COL9A3: variants seen among roughly 807,000 people sequenced by gnomAD.
The protein encoded by COL9A3 is collagen type IX alpha 3 chain, also known as collagen alpha-3(IX) chain.
In COL9A3, 82 loss-of-function variants were observed where a neutral mutation model predicts 110.2. The observed-to-expected ratio is 0.74, with a 90% CI of 0.62 to 0.89. COL9A3 has a LOEUF of 0.89. COL9A3 is among the 40% of genes least tolerant of loss of function. COL9A3 has a pLI of 0.00. For synonymous variants in COL9A3, 494 were observed against 403.8 expected (o/e 1.22, Z -2.68); for missense variants, 1,066 against 981.3 (o/e 1.09, Z -1.15).
Position 62,840,564 on chromosome 20 carries a change from C to T in COL9A3, c.1887C>T (p.Thr629=). Residue 629 remains threonine, a synonymous_variant, in exon 32 of 32, where the codon ACC becomes ACT. Coordinates refer to ENST00000649368, the MANE Select transcript of COL9A3 (RefSeq NM_001853.4). ...AAGGACCCCAAGGCGTGCCCGGCAC[C>T]AGCAAGGACGGCCAGGACGGTGCTC... The part of the protein sequence containing the change: ...GPQGPQGVPG[T]SKDGQDGAPG... The T allele has an allele frequency of 6.2e-7, 1 of 1,612,394 alleles. No individual in the cohort carries two copies. Among genetic ancestry groups the T allele is most frequent in the Non-Finnish European group, 8.5e-7 (1 of 1,179,880 alleles).
chr20:62,827,441 G>C, intron 16 of COL9A3, 147 bp downstream of exon 16: 1 of 796,748 alleles, frequency 1.3e-6, no homozygotes, highest in South Asian at 1.6e-5. Context: ...GGGTGAGCCT[G>C]ACCCTGGAGG....
chr20:62,817,032 G>T, upstream of COL9A3: 1 of 1,195,926 alleles, frequency 8.4e-7, no homozygotes, highest in Non-Finnish European at 1.0e-6. Flanking sequence ...CGCGCCGCCC[G>T]CCCCGACGCC....
intron 14 of COL9A3, 106 bp downstream of exon 14, chr20:62,826,363 G>A (rs926099866): frequency 1.9e-5 from 21 of 1,084,274 alleles, no homozygotes; most frequent in African/African-American, 3.1e-5. Flanking sequence ...TGAAGCAGCC[G>A]GCACCCTGGC....
intron 13 of COL9A3, 137 bp from the exon 14 acceptor site, chr20:62,826,067 C>T: frequency 8.9e-7 from 1 of 1,125,564 alleles, no homozygotes; most frequent in African/African-American, 1.5e-5. Flanking sequence ...CCCCCTCCCT[C>T]TGGGGGACCT....
chr20:62,836,900 A>C lies in COL9A3; in HGVS notation c.1604-183A>C. 1.5e-5 allele frequency: 13 copies of C among 851,242 alleles called. No homozygotes were observed. The South Asian group carries it at 1.9e-4, about 12-fold the overall frequency. 52.7% of individuals were successfully genotyped at this position (851,242 alleles called of 1,614,324 possible). A position where few individuals can be genotyped will look rare whatever the true frequency, so the allele number is the denominator to read the frequency against. On this transcript the variant is annotated intron_variant, in intron 29 of 31. Transcript: ENST00000649368. ...TCCCACTCAGGCTTCTCAGGCTCCA[A>C]GGGGTTGGGGGTCCTTTCTAGCTCC...
In COL9A3 at chr20:62,825,940, A is replaced by G. The variant is rs79659176; in HGVS notation, c.684+70A>G. ...CACAGAGTGATCAAGCCCTGCACAT[A>G]TCTACCCCCGAGGGGGCCAGCTCCG... On this transcript the variant is annotated intron_variant, in intron 13 of 31. Coordinates refer to ENST00000649368, the MANE Select transcript of COL9A3 (RefSeq NM_001853.4). 2.0e-3 allele frequency: 3,028 copies of G among 1,485,160 alleles called. 59 individuals carry two copies. The African/African-American group carries it at 0.036, about 18-fold the overall frequency. The allele number at this position is 1,485,160 out of a possible 1,614,324, so 92.0% of individuals were successfully genotyped here. A position where few individuals can be genotyped will look rare whatever the true frequency, so the allele number is the denominator to read the frequency against.
rs2063602119 is a variant in COL9A3 at position 62,832,174 on chromosome 20, C to T, written c.1308C>T (p.Gly436=). 1 of 1,612,792 alleles carries T rather than the reference C, an allele frequency of 6.2e-7. No homozygotes were observed. Among genetic ancestry groups the T allele is most frequent in the Non-Finnish European group, 8.5e-7 (1 of 1,179,778 alleles). ...TCCAGGGTCCGGGAGGTGCCGCAGG[C>T]CCTAAGGGAGACCAGGTGAGCTGGG... The part of the protein sequence containing the change: ...VGDRGPGGAA[G]PKGDQGIAGS... The change falls in exon 25 of 32, where the codon GGC becomes GGT. Residue 436 remains glycine (G), a synonymous_variant. Coordinates refer to ENST00000649368, the MANE Select transcript of COL9A3 (RefSeq NM_001853.4).
intron 19 of COL9A3, 97 bp from the exon 20 acceptor site, chr20:62,829,358 C>T: frequency 3.3e-6 from 5 of 1,527,586 alleles, no homozygotes; most frequent in South Asian, 1.2e-5. Flanking sequence ...GGTGCACTCA[C>T]TCTGGCCCCT....
chr20:62,816,604 C>T (rs2147192287), upstream of COL9A3, among the ~76,000 whole-genome samples: 1 of 152,268 alleles, frequency 6.6e-6, no homozygotes, highest in East Asian at 1.9e-4. Flanking sequence ...GATTCACCCT[C>T]CCCGGGGTGT....
chr20:62,832,521 G>A (rs1463801414), intron 25 of COL9A3, among the ~76,000 whole-genome samples: 2 of 152,278 alleles, frequency 1.3e-5, no homozygotes, highest in African/African-American at 4.8e-5. Context: ...CTCTCAAAGG[G>A]ACAGAGGTGT....
chr20:62,822,418 G>A (rs2063519530), intron 9 of COL9A3, among the ~76,000 whole-genome samples, 173 bp from the exon 10 acceptor site: 1 of 152,036 alleles, frequency 6.6e-6, no homozygotes, highest in African/African-American at 2.4e-5. Context: ...CACATGCCCT[G>A]TGGGTGGGCC....
At chr20:62,833,309 C>T (rs2063610579) in intron 26 of COL9A3, among the ~76,000 whole-genome samples, 1 of 152,258 alleles carries the variant, frequency 6.6e-6, no homozygotes, top group South Asian at 2.1e-4. Flanking sequence ...ACCCGGTGCT[C>T]AGACGTGTGG....
At chr20:62,838,662 C>G (rs1197579165) in intron 30 of COL9A3, 22 bp from the exon 31 acceptor site, 9 of 1,549,224 alleles carry the variant, frequency 5.8e-6, no homozygotes, top group Non-Finnish European at 7.9e-6. Context: ...AACCATATGT[C>G]TGTGTCCACA....
intron 25 of COL9A3, 67 bp from the exon 26 acceptor site, chr20:62,832,953 C>T: frequency 1.4e-6 from 2 of 1,432,098 alleles, no homozygotes; most frequent in African/African-American, 2.8e-5. Context: ...AGAGCAGGGA[C>T]TTTAAGGCAT....
intron 4 of COL9A3, 138 bp downstream of exon 4, chr20:62,819,431 C>G (rs1404631585): frequency 3.6e-6 from 3 of 822,778 alleles, no homozygotes; most frequent in Non-Finnish European, 4.0e-6. Context: ...CAGAAGTCCC[C>G]AACAGGGGTC....
chr20:62,817,653 G>T lies in COL9A3; in HGVS notation c.147+18G>T. On this transcript the variant is annotated intron_variant, in intron 2 of 31. Coordinates refer to ENST00000649368, the MANE Select transcript of COL9A3 (RefSeq NM_001853.4). ...GCATTGACGTGAGTTTGGGGGTGGG[G>T]AGGGCCCCGAGCGCTCTGGGGTTCT... 1 of 1,519,476 alleles carries T rather than the reference G, an allele frequency of 6.6e-7. No homozygotes were observed. The highest frequency in any genetic ancestry group is 1.2e-5 in the South Asian group (1 of 81,908). 94.1% of individuals were successfully genotyped at this position (1,519,476 alleles called of 1,614,324 possible). A position where few individuals can be genotyped will look rare whatever the true frequency, so the allele number is the denominator to read the frequency against.
Position 62,840,922 on chromosome 20 carries a change from A to AAAG in COL9A3, c.*191_*193dup, listed in dbSNP as rs1390791822. 4 of 622,308 alleles carry AAAG rather than the reference A, an allele frequency of 6.4e-6. No homozygotes were observed. Among genetic ancestry groups the AAAG allele is most frequent in the African/African-American group, 1.9e-5 (1 of 54,030 alleles). 38.5% of individuals were successfully genotyped at this position (622,308 alleles called of 1,614,324 possible). A position where few individuals can be genotyped will look rare whatever the true frequency, so the allele number is the denominator to read the frequency against. The stretch of plus-strand genomic sequence containing the variant: ...GGCTGTCGCCTGACAGCATACCTCA[A>AAAG]AAGGCCCTAGCTAATAAACCTGTAA... On this transcript the variant is annotated 3_prime_UTR_variant, in exon 32 of 32. Transcript: ENST00000649368.
At chr20:62,824,216 CCCA>C (rs878859674) in intron 10 of COL9A3, among the ~76,000 whole-genome samples, 230 of 115,452 alleles carry the variant, frequency 2.0e-3, no homozygotes, top group Middle Eastern at 4.9e-3. Context: ...GGCCCCGTCA[CCCA>C]CGTGGAGTGG....
chr20:62,837,108 C>T lies in COL9A3; in HGVS notation c.1629C>T (p.His543=). Residue 543 remains histidine (H), a synonymous_variant, in exon 30 of 32, where the codon CAC becomes CAT. Transcript: ENST00000649368. The part of the protein sequence containing the change: ...ISEQIAQLAA[H]LRKPLAPGSI... ...AACAAATTGCACAGTTAGCCGCGCA[C>T]CTAAGGAAGCCTTTGGCACCCGGGT... The T allele has an allele frequency of 1.2e-6, 2 of 1,613,532 alleles. No individual in the cohort carries two copies. Among genetic ancestry groups the T allele is most frequent in the South Asian group, 1.1e-5 (1 of 91,082 alleles).
Sources: gnomAD v4.1 joint callset for allele counts (sites outside exome capture counted in the v4.1 genomes callset) on GRCh38, gnomAD v4.1.1 for gene constraint, MANE v1.5 for transcripts, NCBI Gene and HGNC (gene_info 2026-07-23, HGNC 2026-07-21) for gene names.